MCF2: variants seen among roughly 807,000 people sequenced by gnomAD.
MCF2 encodes the protein MCF.2 cell line derived transforming sequence.
A neutral mutation model predicts 82.5 loss-of-function variants in MCF2; 44 were observed. The ratio of observed to expected loss-of-function variants is 0.53; its 90% CI spans 0.42 to 0.69. The LOEUF (loss-of-function observed/expected upper bound fraction) is 0.69, where lower values mean the gene tolerates loss of function less well. Among genes scored for constraint, MCF2 ranks in the 30% least tolerant of loss-of-function variants. MCF2 has a pLI of 0.00. For synonymous variants in MCF2, 217 were observed against 224.9 expected, an observed-to-expected ratio of 0.96 and a Z score of 0.32; for missense variants, 623 against 663.1, an observed-to-expected ratio of 0.94 and a Z score of 0.66.
chrX:139,616,493 G>GAA lies in MCF2; in HGVS notation c.1000-22_1000-21dup, dbSNP rs68033160. On this transcript the variant is annotated intron_variant, in intron 8 of 24. Coordinates refer to ENST00000370576, the Ensembl canonical transcript of MCF2. ...ACGAGCCTGGTAAGAAAATCAAGAA[G>GAA]AAAAAAAAAAAATATGAATTAATAA... 3.5e-5 allele frequency: 27 copies of GAA among 780,298 alleles called. No homozygotes were observed. Among genetic ancestry groups the GAA allele is most frequent in the South Asian group, 9.5e-5 (2 of 21,155 alleles). The allele number at this position is 780,298 out of a possible 1,213,427, so 64.3% of individuals were successfully genotyped here.
At chrX:139,695,602 C>G (rs901640647) in intron 1 of MCF2, among the ~76,000 whole-genome samples, 1 of 111,827 alleles carries the variant, frequency 8.9e-6, no homozygotes, top group African/African-American at 3.3e-5. Flanking sequence ...CTCACATGAG[C>G]TCCTTCTGTG....
intron 1 of MCF2, among the ~76,000 whole-genome samples, chrX:139,694,597 G>A (rs1344093689): frequency 9.0e-6 from 1 of 111,577 alleles, no homozygotes; most frequent in Non-Finnish European, 1.9e-5. Context: ...CAATTCAATG[G>A]AGAAAGAATA....
intron 10 of MCF2, among the ~76,000 whole-genome samples, chrX:139,611,707 A>G (rs1439953554): frequency 1.8e-5 from 2 of 111,876 alleles, no homozygotes; most frequent in African/African-American, 6.5e-5. Flanking sequence ...TAGTTTAGCA[A>G]GAGAGACAGA....
chrX:139,690,319 C>A (rs934759523), intron 1 of MCF2, among the ~76,000 whole-genome samples: 2 of 99,665 alleles, frequency 2.0e-5, no homozygotes. Flanking sequence ...TGTGATTAAG[C>A]ATGCATTCCT....
intron 6 of MCF2, among the ~76,000 whole-genome samples, chrX:139,619,997 TTG>T (rs57662065): frequency 0.02 from 1,868 of 93,254 alleles, 62 homozygotes; most frequent in African/African-American, 0.063. Flanking sequence ...ATATATACAT[TTG>T]TGTGTGTGTG....
chrX:139,651,121 G>A (rs1305989025), intron 2 of MCF2, among the ~76,000 whole-genome samples: 3 of 106,551 alleles, frequency 2.8e-5, no homozygotes, highest in African/African-American at 1.1e-4. Context: ...GGCAATGGTG[G>A]CACAAAAATG....
At chrX:139,642,100 A>G (rs750392377) in intron 1 of MCF2, among the ~76,000 whole-genome samples, 1 of 111,557 alleles carries the variant, frequency 9.0e-6, no homozygotes, top group Admixed American at 9.5e-5. Context: ...ACTCTACTTG[A>G]TCATGGTGAA....
intron 1 of MCF2, among the ~76,000 whole-genome samples, chrX:139,656,954 G>A (rs1471914515): frequency 8.9e-6 from 1 of 111,963 alleles, no homozygotes; most frequent in Admixed American, 9.5e-5. Flanking sequence ...GCTGTCTCAT[G>A]TAGAAAACTC....
exon 1 of MCF2, chrX:139,642,560 C>G (rs750509366): frequency 1.7e-6 from 2 of 1,208,234 alleles, no homozygotes; most frequent in Non-Finnish European, 2.2e-6. Context: ...CAATTGTCAA[C>G]GCAACGTTGA....
At chrX:139,642,150 A>G (rs1432457524) in intron 1 of MCF2, among the ~76,000 whole-genome samples, 2 of 111,833 alleles carry the variant, frequency 1.8e-5, no homozygotes, top group African/African-American at 6.5e-5. Context: ...GTTTTAAGTC[A>G]TTATTTAAAG....
At chrX:139,681,362 C>A (rs1428919744) in intron 1 of MCF2, among the ~76,000 whole-genome samples, 1 of 111,359 alleles carries the variant, frequency 9.0e-6, no homozygotes, top group African/African-American at 3.3e-5. Context: ...TCTACCACAC[C>A]CTCCAGCCAC....
intron 1 of MCF2, among the ~76,000 whole-genome samples, chrX:139,665,562 T>C (rs1341500631): frequency 9.0e-6 from 1 of 111,044 alleles, no homozygotes; most frequent in Non-Finnish European, 1.9e-5. Context: ...GGGGGAGGGA[T>C]GGCATTGGCA....
chrX:139,672,950 T>A (rs1934746091), intron 1 of MCF2, among the ~76,000 whole-genome samples: 1 of 111,756 alleles, frequency 8.9e-6, no homozygotes, highest in Non-Finnish European at 1.9e-5. Flanking sequence ...GGTCCTGGAC[T>A]CTTTTTTGTT....
At chrX:139,699,972 A>G (rs1026787169) in intron 1 of MCF2, among the ~76,000 whole-genome samples, 2 of 111,844 alleles carry the variant, frequency 1.8e-5, no homozygotes, top group Middle Eastern at 4.2e-3. Flanking sequence ...TTGTTGAAAT[A>G]GCTAGTTCTG....
chrX:139,700,058 T>C (rs1321963901), intron 1 of MCF2, among the ~76,000 whole-genome samples: 2 of 111,685 alleles, frequency 1.8e-5, no homozygotes, highest in Non-Finnish European at 3.8e-5. Context: ...TTTGTGTCCT[T>C]GGTCTTCTTT....
chrX:139,698,800 ATCAAG>A (rs1935430319), intron 1 of MCF2, among the ~76,000 whole-genome samples: 1 of 112,258 alleles, frequency 8.9e-6, no homozygotes, highest in Non-Finnish European at 1.9e-5. Context: ...AATTTAAAGA[ATCAAG>A]TCTTTACATG....
At chrX:139,628,201 C>T (rs1381386259) in intron 4 of MCF2, among the ~76,000 whole-genome samples, 4 of 111,687 alleles carry the variant, frequency 3.6e-5, no homozygotes, top group Non-Finnish European at 7.5e-5. Context: ...CTATTCACAA[C>T]AGCAGAAACA....
chrX:139,609,782 C>T (rs755049743), intron 11 of MCF2, among the ~76,000 whole-genome samples: 1 of 110,649 alleles, frequency 9.0e-6, no homozygotes, highest in African/African-American at 3.3e-5. Flanking sequence ...GCTATGGTCA[C>T]CCCTGTGAAT....
chrX:139,661,699 C>A lies in MCF2; in HGVS notation c.-44-9911G>T, dbSNP rs139003185. ...GAGGTATCTTAGATCTGAATGCCAT[C>A]ATCACATTTGATTGTTTTTCATTTT... is the stretch of plus-strand genomic sequence containing the variant. On this transcript the variant is annotated intron_variant, in intron 1 of 27. Transcript: ENST00000414978. 4.1e-3 allele frequency among the ~76,000 whole-genome samples: 457 copies of A among 111,649 alleles called. 1 individual carries two copies. The highest frequency in any genetic ancestry group is 0.014 in the African/African-American group (432 of 30,752).
Sources: allele counts gnomAD v4.1 joint callset (sites outside exome capture counted in the v4.1 genomes callset), GRCh38; gene constraint gnomAD v4.1.1; transcripts MANE v1.5; gene names NCBI Gene and HGNC (gene_info 2026-07-23, HGNC 2026-07-21).